TRPM6: variants seen among roughly 807,000 people sequenced by gnomAD.
The protein encoded by TRPM6 is transient receptor potential cation channel subfamily M member 6, also known as channel kinase 2.
TRPM6 carries 111 observed loss-of-function variants against 247.6 expected under a neutral mutation model. That is an observed-to-expected ratio of 0.45 (90% CI 0.38 to 0.52). TRPM6 has a LOEUF of 0.52. TRPM6 is among the 20% of genes least tolerant of loss of function. The probability of loss-of-function intolerance (pLI) is 0.00; values close to 1 mark genes in which losing one functional copy is unlikely to be tolerated. For missense variants in TRPM6, 2,126 were observed against 2,421.5 expected (o/e 0.88, Z 2.56); for synonymous variants, 892 against 853.8 (o/e 1.04, Z -0.78).
At chr9:74,854,480 A>C (rs1242030064) in intron 3 of TRPM6, among the ~76,000 whole-genome samples, 1 of 152,160 alleles carries the variant, frequency 6.6e-6, no homozygotes, top group Non-Finnish European at 1.5e-5. Flanking sequence ...TTACGTTTGC[A>C]CCAAGCTAAG....
At chr9:74,826,795 G>A (rs1202119992) in intron 7 of TRPM6, 2 of 146,930 alleles carry the variant, frequency 1.4e-5, no homozygotes, top group African/African-American at 5.1e-5. Context: ...CTGAAGTGCA[G>A]TGGGGCGATC....
At chr9:74,850,721 A>C (rs1175588429) in intron 3 of TRPM6, among the ~76,000 whole-genome samples, 2 of 150,698 alleles carry the variant, frequency 1.3e-5, no homozygotes, top group Admixed American at 1.3e-4. Flanking sequence ...ACTTCGTCTC[A>C]AAAAAAAACA....
At chr9:74,886,488 C>CT (rs1018218442) in intron 1 of TRPM6, among the ~76,000 whole-genome samples, 5 of 151,678 alleles carry the variant, frequency 3.3e-5, no homozygotes, top group African/African-American at 7.3e-5. Flanking sequence ...ACTAGAACAT[C>CT]TATGTTCTCA....
chr9:74,788,581 A>T (rs777870705), intron 20 of TRPM6, 33 bp downstream of exon 20: 2 of 1,612,872 alleles, frequency 1.2e-6, no homozygotes, highest in African/African-American at 2.7e-5. Context: ...CTGAGGACAT[A>T]TGCAGAAGAT....
At chr9:74,878,706 C>T (rs571475844) in intron 1 of TRPM6, among the ~76,000 whole-genome samples, 68 of 152,056 alleles carry the variant, frequency 4.5e-4, no homozygotes, top group African/African-American at 1.5e-3. Context: ...TGTAAGGACA[C>T]GAGAAACATG....
intron 27 of TRPM6, among the ~76,000 whole-genome samples, chr9:74,757,906 C>T (rs184345558): frequency 6.6e-6 from 1 of 152,096 alleles, no homozygotes; most frequent in Admixed American, 6.5e-5. Flanking sequence ...GAGCAATACT[C>T]CATCTCAAAA....
intron 27 of TRPM6, among the ~76,000 whole-genome samples, chr9:74,759,226 C>T (rs1266494601): frequency 6.6e-6 from 1 of 151,980 alleles, no homozygotes; most frequent in Non-Finnish European, 1.5e-5. Context: ...ATTCATAATC[C>T]CAGTCCACTT....
chr9:74,771,893 G>A, intron 24 of TRPM6, 58 bp from the exon 25 acceptor site: 2 of 1,526,298 alleles, frequency 1.3e-6, no homozygotes, highest in Non-Finnish European at 1.8e-6. Context: ...GGCATGAGTG[G>A]CTTTTCTTCC....
intron 27 of TRPM6, among the ~76,000 whole-genome samples, chr9:74,758,637 CT>C (rs1269821955): frequency 6.6e-6 from 1 of 152,082 alleles, no homozygotes; most frequent in Non-Finnish European, 1.5e-5. Flanking sequence ...AGTTTTCACC[CT>C]GATAAGGGGC....
At chr9:74,872,630 G>A (rs1017620152) in intron 1 of TRPM6, among the ~76,000 whole-genome samples, 14 of 143,150 alleles carry the variant, frequency 9.8e-5, no homozygotes, top group African/African-American at 2.5e-4. Context: ...GTGTGCATGC[G>A]CGCACGTGTG....
intron 6 of TRPM6, among the ~76,000 whole-genome samples, chr9:74,828,834 C>A (rs774911956): frequency 4.0e-5 from 6 of 151,722 alleles, no homozygotes; most frequent in Non-Finnish European, 7.4e-5. Flanking sequence ...TCACGCCCAG[C>A]CTTCGTTTTC....
chr9:74,722,889 G>C lies in TRPM6; in HGVS notation c.*1724C>G, dbSNP rs1825187098. On this transcript the variant is annotated 3_prime_UTR_variant, in exon 39 of 39. Transcript: ENST00000360774. Reference sequence around the variant, plus strand: ...TTCAACATTTCCCCTGTATGCCTAAGAATGCAAGAGTGTAGATTTTTAAAG... The same window carrying C: ...TTCAACATTTCCCCTGTATGCCTAACAATGCAAGAGTGTAGATTTTTAAAG... The C allele has an allele frequency of 1.3e-5, 2 of 152,236 alleles. No homozygotes were observed. The highest frequency in any genetic ancestry group is 2.1e-4 in the South Asian group (1 of 4,820). 9.4% of individuals were successfully genotyped at this position (152,236 alleles called of 1,614,324 possible).
At chr9:74,740,058 T>C (rs774875272) in intron 33 of TRPM6, 49 bp from the exon 34 acceptor site, 2 of 1,587,892 alleles carry the variant, frequency 1.3e-6, no homozygotes, top group South Asian at 1.1e-5. Flanking sequence ...GCCATGTCTG[T>C]GACATGAATA....
At chr9:74,869,227 T>C (rs568681955) in intron 1 of TRPM6, among the ~76,000 whole-genome samples, 1 of 151,950 alleles carries the variant, frequency 6.6e-6, no homozygotes, top group African/African-American at 2.4e-5. Flanking sequence ...TCCCAGCACT[T>C]TGGGAGGCCG....
At chr9:74,781,949 A>G (rs1827476454) in intron 23 of TRPM6, among the ~76,000 whole-genome samples, 8 of 152,220 alleles carry the variant, frequency 5.3e-5, no homozygotes. Context: ...TATCTTTGTC[A>G]TTATTCCCTC....
At chr9:74,754,914 T>C (rs547095390) in intron 28 of TRPM6, among the ~76,000 whole-genome samples, 5 of 152,312 alleles carry the variant, frequency 3.3e-5, no homozygotes, top group East Asian at 1.9e-4. Flanking sequence ...TAAGAGATAA[T>C]TGCCCACAGA....
At chr9:74,863,748 T>C (rs1830759817) in intron 1 of TRPM6, among the ~76,000 whole-genome samples, 1 of 151,876 alleles carries the variant, frequency 6.6e-6, no homozygotes, top group Non-Finnish European at 1.5e-5. Flanking sequence ...TACGCCCGGC[T>C]AATTTTTTTT....
At chr9:74,886,881 C>T (rs1831547739) in intron 1 of TRPM6, among the ~76,000 whole-genome samples, 1 of 152,204 alleles carries the variant, frequency 6.6e-6, no homozygotes, top group Non-Finnish European at 1.5e-5. Context: ...CTACCTGGCT[C>T]CAGAGCATAT....
Position 74,724,579 on chromosome 9 carries a change from G to C in TRPM6, c.*34C>G. 1.2e-6 allele frequency: 2 copies of C among 1,613,902 alleles called. No homozygotes were observed. Among genetic ancestry groups the C allele is most frequent in the African/African-American group, 1.3e-5 (1 of 75,052 alleles). On this transcript the variant is annotated 3_prime_UTR_variant, in exon 39 of 39. Transcript: ENST00000360774. ...GTTATCACAGAGTTCCTGGCAGGCAGGGCAAGCACTGGGATCTTCTTGCTC... is the reference window on the plus strand; with the variant it reads ...GTTATCACAGAGTTCCTGGCAGGCACGGCAAGCACTGGGATCTTCTTGCTC...
Sources: allele counts gnomAD v4.1 joint callset (sites outside exome capture counted in the v4.1 genomes callset), GRCh38; gene constraint gnomAD v4.1.1; transcripts MANE v1.5; gene names NCBI Gene and HGNC (gene_info 2026-07-23, HGNC 2026-07-21).